The following SIL1 variants were observed in gnomAD, a reference collection of about 807,000 sequenced individuals.
The protein encoded by SIL1 is SIL1 nucleotide exchange factor.
Under a neutral mutation model 49.1 loss-of-function variants are expected in SIL1, and 40 were observed. The ratio of observed to expected loss-of-function variants is 0.81; its 90% CI spans 0.63 to 1.06. The LOEUF (loss-of-function observed/expected upper bound fraction) is 1.06, where lower values mean the gene tolerates loss of function less well. Among genes scored for constraint, SIL1 ranks in the 50% least tolerant of loss-of-function variants. The probability of loss-of-function intolerance (pLI) is 0.00; values close to 1 mark genes in which losing one functional copy is unlikely to be tolerated. For synonymous variants in SIL1, 253 were observed against 250.8 expected (o/e 1.01, Z -0.08); for missense variants, 500 against 572.6 (o/e 0.87, Z 1.29).
intron 7 of SIL1, among the ~76,000 whole-genome samples, chr5:138,997,721 G>A (rs1271520515): frequency 1.3e-5 from 2 of 152,148 alleles, no homozygotes; most frequent in Admixed American, 1.3e-4. Context: ...ACTATGCCTG[G>A]CTAATTTTTG....
At chr5:139,174,505 T>A (rs1751838819) in intron 1 of SIL1, among the ~76,000 whole-genome samples, 1 of 151,428 alleles carries the variant, frequency 6.6e-6, no homozygotes, top group African/African-American at 2.4e-5. Context: ...GAGAGAGGAC[T>A]CAAATTACTA....
chr5:139,037,948 T>A (rs755050858), intron 5 of SIL1, among the ~76,000 whole-genome samples: 1 of 152,238 alleles, frequency 6.6e-6, no homozygotes, highest in Non-Finnish European at 1.5e-5. Context: ...GATCAAGGAA[T>A]GAGTCGACGT....
chr5:139,107,855 T>A (rs1363415819), intron 3 of SIL1, among the ~76,000 whole-genome samples: 2 of 152,190 alleles, frequency 1.3e-5, no homozygotes, highest in Non-Finnish European at 2.9e-5. Context: ...AAAATAACCC[T>A]CTGAAGTAGG....
intron 1 of SIL1, among the ~76,000 whole-genome samples, chr5:139,162,906 A>G (rs1334941233): frequency 6.6e-6 from 1 of 152,126 alleles, no homozygotes; most frequent in Non-Finnish European, 1.5e-5. Context: ...GTCACTTTAT[A>G]CCAGATAAAA....
intron 7 of SIL1, 36 bp from the exon 8 acceptor site, chr5:138,951,920 C>T (rs1195793248): frequency 4.5e-6 from 7 of 1,563,964 alleles, no homozygotes; most frequent in African/African-American, 1.4e-5. Context: ...GACTACCCTG[C>T]CCAGCCCAGG....
At chr5:139,113,331 A>T (rs560768157) in intron 3 of SIL1, among the ~76,000 whole-genome samples, 90 of 149,014 alleles carry the variant, frequency 6.0e-4, no homozygotes, top group Non-Finnish European at 8.6e-4. Flanking sequence ...AAATAAATTT[A>T]AAAAAAAAAG....
rs74463141 is a variant in SIL1 at position 139,005,541 on chromosome 5, C to T, written c.767+15630G>A. ...TATGTATACATGTGCCATGCTGGTG[C>T]GCTGCGCCCACTAACTCATCATCTA... On this transcript the variant is annotated intron_variant, in intron 7 of 9. Transcript: ENST00000394817. Among the ~76,000 whole-genome samples the T allele has an allele frequency of 6.6e-5, 9 of 136,196 alleles. No homozygotes were observed. The East Asian group carries it at 1.0e-3, about 16-fold the overall frequency. 89.3% of individuals were successfully genotyped at this position (136,196 alleles called of 152,430 possible).
At chr5:138,992,921 C>T (rs1767788514) in intron 7 of SIL1, among the ~76,000 whole-genome samples, 1 of 151,950 alleles carries the variant, frequency 6.6e-6, no homozygotes. Flanking sequence ...TAATCTTATG[C>T]TAAACTATTC....
intron 3 of SIL1, among the ~76,000 whole-genome samples, chr5:139,096,377 C>T (rs543199643): frequency 6.6e-6 from 1 of 152,104 alleles, no homozygotes; most frequent in Non-Finnish European, 1.5e-5. Context: ...AGGACTGTAA[C>T]TCTCAGGTGA....
chr5:139,004,950 G>A (rs972903594), intron 7 of SIL1, among the ~76,000 whole-genome samples: 13 of 152,252 alleles, frequency 8.5e-5, no homozygotes, highest in African/African-American at 2.6e-4. Context: ...CAAGGGCTGG[G>A]GTAAAAGATA....
rs1745920320 is a variant in SIL1 at position 139,114,778 on chromosome 5, G to A, written c.244+6257C>T. 2.0e-5 allele frequency among the ~76,000 whole-genome samples: 3 copies of A among 152,194 alleles called. No individual in the cohort carries two copies. The South Asian group carries it at 6.2e-4, about 31-fold the overall frequency. On this transcript the variant is annotated intron_variant, in intron 3 of 9. Transcript: ENST00000394817. ...AAAGTTGCCAGAGATAGCAACTTATGTCCAAGAAGACAGACCACCCCAACA... is the reference window on the plus strand; with the variant it reads ...AAAGTTGCCAGAGATAGCAACTTATATCCAAGAAGACAGACCACCCCAACA...
chr5:139,150,593 C>T (rs1157278457), intron 1 of SIL1, among the ~76,000 whole-genome samples: 1 of 152,158 alleles, frequency 6.6e-6, no homozygotes, highest in Non-Finnish European at 1.5e-5. Context: ...GCCAAAGGCA[C>T]ATGGCTTTGA....
intron 4 of SIL1, 114 bp downstream of exon 4, chr5:139,050,824 G>A: frequency 1.2e-6 from 1 of 847,956 alleles, no homozygotes; most frequent in Non-Finnish European, 2.0e-6. Flanking sequence ...CAAATTCTAT[G>A]CTATTAAATT....
chr5:139,109,731 C>T (rs1169239145), intron 3 of SIL1, among the ~76,000 whole-genome samples: 5 of 148,052 alleles, frequency 3.4e-5, no homozygotes, highest in African/African-American at 9.8e-5. Flanking sequence ...TTCTTCCTTT[C>T]CCCATCCAAC....
chr5:139,041,613 G>A (rs988371901), intron 5 of SIL1, among the ~76,000 whole-genome samples: 2 of 152,068 alleles, frequency 1.3e-5, no homozygotes, highest in Non-Finnish European at 2.9e-5. Flanking sequence ...AGAGCAACCT[G>A]GCCAACATGG....
chr5:139,030,476 CA>C (rs944042630), intron 5 of SIL1, among the ~76,000 whole-genome samples: 44 of 141,084 alleles, frequency 3.1e-4, no homozygotes, highest in African/African-American at 5.2e-4. Context: ...GACTCTGTCT[CA>C]AAAAAAAAAA....
chr5:139,106,028 G>C (rs1436128232), intron 3 of SIL1, among the ~76,000 whole-genome samples: 1 of 152,162 alleles, frequency 6.6e-6, no homozygotes, highest in African/African-American at 2.4e-5. Context: ...GTAGGGGAGG[G>C]GGACGCAGGA....
At chr5:139,142,468 A>G (rs1229796304) in intron 1 of SIL1, among the ~76,000 whole-genome samples, 1 of 152,226 alleles carries the variant, frequency 6.6e-6, no homozygotes, top group East Asian at 1.9e-4. Flanking sequence ...TATCCCAGGA[A>G]TACAAGAGTG....
At chr5:139,166,684 G>T (rs1027277190) in intron 1 of SIL1, among the ~76,000 whole-genome samples, 10 of 152,134 alleles carry the variant, frequency 6.6e-5, no homozygotes, top group Non-Finnish European at 1.5e-4. Flanking sequence ...CATTCCCATA[G>T]CCCAGGCTGG....
Sources: gnomAD v4.1 joint callset for allele counts (sites outside exome capture counted in the v4.1 genomes callset) on GRCh38, gnomAD v4.1.1 for gene constraint, MANE v1.5 for transcripts, NCBI Gene and HGNC (gene_info 2026-07-23, HGNC 2026-07-21) for gene names.